Variants in SNRPD1 observed in about 807,000 individuals in gnomAD.
SNRPD1 encodes small nuclear ribonucleoprotein D1 polypeptide.
Under a neutral mutation model 14.4 loss-of-function variants are expected in SNRPD1, and 1 was observed. The ratio of observed to expected loss-of-function variants is 0.07; its 90% confidence interval spans 0.02 to 0.33. The LOEUF is 0.33. SNRPD1 is among the 10% of genes least tolerant of loss of function. The probability of loss-of-function intolerance (pLI) is 1.00; values close to 1 mark genes in which losing one functional copy is unlikely to be tolerated. For synonymous variants in SNRPD1, 42 were observed against 50.3 expected (o/e 0.83, Z 0.70); for missense variants, 52 against 146.4 (o/e 0.36, Z 3.33).
chr18:21,626,081 A>C (rs1426199988), intron 3 of SNRPD1, among the ~76,000 whole-genome samples: 1 of 152,176 alleles, frequency 6.6e-6, no homozygotes, highest in Non-Finnish European at 1.5e-5. Context: ...GTACACATTT[A>C]AAATAGTACG....
At chr18:21,625,118 G>C (rs1292579425) in intron 3 of SNRPD1, among the ~76,000 whole-genome samples, 1 of 151,702 alleles carries the variant, frequency 6.6e-6, no homozygotes, top group Non-Finnish European at 1.5e-5. Context: ...AGGATGTTTT[G>C]CTTTAATGTC....
rs572142783 is a variant in SNRPD1, at chr18:21,623,852, C to T, written c.196C>T (p.Arg66Trp). 1.9e-6 allele frequency: 3 copies of T among 1,610,406 alleles called. No homozygotes were observed. The highest frequency in any genetic ancestry group is 2.5e-6 in the Non-Finnish European group (3 of 1,176,734). ...GCTGAGTATTCGAGGAAATAACATT[C>T]GGTATTTTATTCTACCAGACAGTTT... ...ETLSIRGNNI[R>W]YFILPDSLPL... is the part of the protein sequence containing the mutation. Residue 66 changes from arginine to tryptophan, a missense_variant, in exon 3 of 4, where the codon CGG (arginine) becomes TGG (tryptophan). Arg to Trp is a moderately radical substitution (Grantham distance 101, BLOSUM62 -3). Transcript: ENST00000300413.
chr18:21,617,272 A>T (rs555329113), intron 1 of SNRPD1, among the ~76,000 whole-genome samples: 1 of 152,100 alleles, frequency 6.6e-6, no homozygotes, highest in South Asian at 2.1e-4. Flanking sequence ...CCTGACCAAC[A>T]TGGTGAAACC....
intron 1 of SNRPD1, among the ~76,000 whole-genome samples, chr18:21,619,808 G>A (rs1054392323): frequency 1.3e-5 from 2 of 151,972 alleles, no homozygotes; most frequent in African/African-American, 2.4e-5. Context: ...AAAAAAAGAC[G>A]GAGTCTTGCT....
chr18:21,612,688 T>TA (rs1222149562), intron 1 of SNRPD1, among the ~76,000 whole-genome samples: 4 of 152,256 alleles, frequency 2.6e-5, no homozygotes, highest in Non-Finnish European at 5.9e-5. Flanking sequence ...CCTAGTGACT[T>TA]AGAGGCTTTA....
At chr18:21,621,184 A>T (rs553454646) in intron 1 of SNRPD1, among the ~76,000 whole-genome samples, 2 of 152,018 alleles carry the variant, frequency 1.3e-5, no homozygotes, top group South Asian at 4.2e-4. Context: ...AAAAGATAAG[A>T]TATTCAATCT....
intron 1 of SNRPD1, among the ~76,000 whole-genome samples, chr18:21,617,329 G>A (rs2146256797): frequency 6.6e-6 from 1 of 152,212 alleles, no homozygotes; most frequent in African/African-American, 2.4e-5. Context: ...GCTGGTTGTG[G>A]TGGCGAGTGC....
chr18:21,628,328 T>C (rs960533846), intron 3 of SNRPD1, among the ~76,000 whole-genome samples: 1 of 152,096 alleles, frequency 6.6e-6, no homozygotes, highest in African/African-American at 2.4e-5. Flanking sequence ...TGCAGTGAGG[T>C]GTAATTACAC....
chr18:21,629,184 G>A lies in SNRPD1; in HGVS notation c.*46G>A, dbSNP rs570427437. ...TCATATGAGATTTGGGATATTTTTTGTACAGGTTGTGTTTGTTTATGTCAG... is the reference window on the plus strand; with the variant it reads ...TCATATGAGATTTGGGATATTTTTTATACAGGTTGTGTTTGTTTATGTCAG... On this transcript the variant is annotated 3_prime_UTR_variant, in exon 4 of 4. Transcript: ENST00000300413. 7.2e-7 allele frequency: 1 copy of A among 1,392,622 alleles called. No homozygotes were observed. The highest frequency in any genetic ancestry group is 2.3e-5 in the East Asian group (1 of 43,874). 86.3% of individuals were successfully genotyped at this position (1,392,622 alleles called of 1,614,324 possible).
At chr18:21,618,050 C>T (rs1281429469) in intron 1 of SNRPD1, among the ~76,000 whole-genome samples, 1 of 152,042 alleles carries the variant, frequency 6.6e-6, no homozygotes, top group East Asian at 1.9e-4. Context: ...CTGCATATTT[C>T]CAACTTTTCA....
At chr18:21,622,340 C>T (rs1598492838) in intron 1 of SNRPD1, among the ~76,000 whole-genome samples, 1 of 152,046 alleles carries the variant, frequency 6.6e-6, no homozygotes, top group Non-Finnish European at 1.5e-5. Context: ...CGGGGTTTCA[C>T]CATGTTAGCC....
At position 21,629,183 on chromosome 18, in the gene SNRPD1, TG is replaced by T. The variant is rs1301094524; in HGVS notation, c.*46del. ...GTCATATGAGATTTGGGATATTTTT[TG>T]TACAGGTTGTGTTTGTTTATGTCAG... is the stretch of plus-strand genomic sequence containing the variant. On this transcript the variant is annotated 3_prime_UTR_variant, in exon 4 of 4. Coordinates refer to ENST00000300413, the MANE Select transcript of SNRPD1 (RefSeq NM_006938.4). The T allele has an allele frequency of 7.2e-7, 1 of 1,394,754 alleles. No homozygotes were observed. Among genetic ancestry groups the T allele is most frequent in the Non-Finnish European group, 1.0e-6 (1 of 980,792 alleles). 86.4% of individuals were successfully genotyped at this position (1,394,754 alleles called of 1,614,324 possible).
Position 21,612,343 on chromosome 18 carries a change from C to A in SNRPD1, c.-87C>A. On this transcript the variant is annotated 5_prime_UTR_variant, in exon 1 of 4. Transcript: ENST00000300413. ...ACGTCCGGAGCCCCTGGAGTAGGCGCTTCCGGCCATTCATACTGCAGTCGG... is the reference window on the plus strand; with the variant it reads ...ACGTCCGGAGCCCCTGGAGTAGGCGATTCCGGCCATTCATACTGCAGTCGG... 1 of 1,057,956 alleles carries A rather than the reference C, an allele frequency of 9.5e-7. No homozygotes were observed. 65.5% of individuals were successfully genotyped at this position (1,057,956 alleles called of 1,614,324 possible). A position where few individuals can be genotyped will look rare whatever the true frequency, so the allele number is the denominator to read the frequency against.
At chr18:21,616,838 A>T (rs187780797) in intron 1 of SNRPD1, among the ~76,000 whole-genome samples, 18 of 151,400 alleles carry the variant, frequency 1.2e-4, no homozygotes, top group African/African-American at 4.4e-4. Flanking sequence ...GGCATGTGCC[A>T]CTATGCCTGG....
At chr18:21,616,086 C>T (rs1005324136) in intron 1 of SNRPD1, among the ~76,000 whole-genome samples, 4 of 152,056 alleles carry the variant, frequency 2.6e-5, no homozygotes, top group Admixed American at 6.6e-5. Context: ...CCTGGGTTCA[C>T]GCCATTCTCC....
intron 3 of SNRPD1, among the ~76,000 whole-genome samples, chr18:21,625,756 G>A (rs1336427175): frequency 1.3e-5 from 2 of 152,042 alleles, no homozygotes; most frequent in Admixed American, 1.3e-4. Flanking sequence ...GACCACAGGC[G>A]CCTGCAACCA....
chr18:21,619,192 G>GT (rs890834604), intron 1 of SNRPD1, among the ~76,000 whole-genome samples: 14 of 151,822 alleles, frequency 9.2e-5, no homozygotes, highest in Non-Finnish European at 1.5e-4. Context: ...TTTTTCGTTT[G>GT]TTTTTTTGAC....
At chr18:21,619,794 T>C (rs1323653891) in intron 1 of SNRPD1, among the ~76,000 whole-genome samples, 4 of 151,618 alleles carry the variant, frequency 2.6e-5, no homozygotes, top group Non-Finnish European at 5.9e-5. Context: ...AAAAATAGAA[T>C]TTTAAAAAAA....
chr18:21,627,636 C>G (rs969201977), intron 3 of SNRPD1, among the ~76,000 whole-genome samples: 1 of 151,954 alleles, frequency 6.6e-6, no homozygotes, highest in African/African-American at 2.4e-5. Flanking sequence ...ACCCCTCCAA[C>G]TCTGTTTTTC....
Sources: gnomAD v4.1 joint callset for allele counts (sites outside exome capture counted in the v4.1 genomes callset) on GRCh38, gnomAD v4.1.1 for gene constraint, MANE v1.5 for transcripts, NCBI Gene and HGNC (gene_info 2026-07-23, HGNC 2026-07-21) for gene names.